Variants in NIPAL2 observed in about 807,000 individuals in gnomAD.
NIPAL2 encodes NIPA like domain containing 2, also known as NIPA-like protein 2.
In NIPAL2, 43 loss-of-function variants were observed where a neutral mutation model predicts 48.9. The observed-to-expected ratio is 0.88, with a 90% confidence interval of 0.69 to 1.13. The LOEUF (loss-of-function observed/expected upper bound fraction) is 1.13, where lower values mean the gene tolerates loss of function less well. NIPAL2 is among the 50% of genes most tolerant of loss of function. The pLI is 0.00. For synonymous variants in NIPAL2, 167 were observed against 174.6 expected, an observed-to-expected ratio of 0.96 and a Z score of 0.34; for missense variants, 446 against 461.4, an observed-to-expected ratio of 0.97 and a Z score of 0.31.
At chr8:98,259,088 T>C (rs1814115922) in intron 1 of NIPAL2, among the ~76,000 whole-genome samples, 2 of 132,118 alleles carry the variant, frequency 1.5e-5, no homozygotes, top group African/African-American at 3.0e-5. Flanking sequence ...TTTTTTTTTT[T>C]TTTTTTGAGA....
At chr8:98,240,288 G>C (rs745546520) in intron 3 of NIPAL2, among the ~76,000 whole-genome samples, 3 of 152,152 alleles carry the variant, frequency 2.0e-5, no homozygotes, top group Non-Finnish European at 4.4e-5. Context: ...AGTGCTCACT[G>C]ATCTTGGTGC....
intron 1 of NIPAL2, among the ~76,000 whole-genome samples, chr8:98,284,211 T>C (rs575959374): frequency 2.2e-4 from 33 of 152,180 alleles, no homozygotes; most frequent in Non-Finnish European, 4.4e-4. Context: ...TTCTCTACCA[T>C]TGTGACTCCA....
At chr8:98,266,487 AG>A (rs915496240) in intron 1 of NIPAL2, among the ~76,000 whole-genome samples, 3 of 150,388 alleles carry the variant, frequency 2.0e-5, no homozygotes, top group Non-Finnish European at 3.0e-5. Flanking sequence ...CTGCAATCCC[AG>A]CTACTCGGGA....
intron 6 of NIPAL2, among the ~76,000 whole-genome samples, chr8:98,206,511 G>A (rs938043086): frequency 3.3e-5 from 5 of 152,014 alleles, no homozygotes; most frequent in African/African-American, 1.2e-4. Flanking sequence ...AATTGGCCGG[G>A]CGCGGTGGCT....
intron 3 of NIPAL2, among the ~76,000 whole-genome samples, chr8:98,246,278 C>T (rs909738092): frequency 1.3e-5 from 2 of 152,116 alleles, no homozygotes; most frequent in Non-Finnish European, 2.9e-5. Flanking sequence ...CATAACAGCA[C>T]CACAGAAATA....
chr8:98,274,424 G>T (rs1431955276), intron 1 of NIPAL2, among the ~76,000 whole-genome samples: 1 of 151,846 alleles, frequency 6.6e-6, no homozygotes, highest in Non-Finnish European at 1.5e-5. Context: ...TATGGCTTTA[G>T]ACTTTTTTTC....
At chr8:98,210,388 C>T (rs1811253557) in intron 6 of NIPAL2, among the ~76,000 whole-genome samples, 2 of 152,106 alleles carry the variant, frequency 1.3e-5, no homozygotes, top group Non-Finnish European at 2.9e-5. Context: ...TTAACATTTC[C>T]AGGTGGTAGG....
chr8:98,232,956 G>C (rs1377526838), intron 4 of NIPAL2, among the ~76,000 whole-genome samples: 2 of 152,152 alleles, frequency 1.3e-5, no homozygotes, highest in African/African-American at 4.8e-5. Context: ...AATTTTAGCT[G>C]CTTTTAAAAG....
intron 9 of NIPAL2, among the ~76,000 whole-genome samples, chr8:98,195,537 T>G (rs1326584307): frequency 6.6e-6 from 1 of 152,228 alleles, no homozygotes; most frequent in Admixed American, 6.5e-5. Flanking sequence ...TTATCATGAC[T>G]AAAGCAAGGG....
In NIPAL2 at chr8:98,243,853, G is replaced by C. The variant is rs1813124955; in HGVS notation, c.377-7639C>G. Among the ~76,000 whole-genome samples, 4 of 152,244 alleles carry C rather than the reference G, an allele frequency of 2.6e-5. No homozygotes were observed. In the South Asian group the frequency reaches 8.3e-4, roughly 32 times the overall value. On this transcript the variant is annotated intron_variant, in intron 3 of 10. Transcript: ENST00000430223. ...TCCCTTTTTAAATTTGTAACATTAA[G>C]ACATATGTGTGCTTTTTATTTAAAC...
chr8:98,284,069 C>T (rs1247571654), intron 1 of NIPAL2, among the ~76,000 whole-genome samples: 7 of 152,174 alleles, frequency 4.6e-5, no homozygotes, highest in African/African-American at 1.7e-4. Flanking sequence ...CATCCCCAAG[C>T]CCACTATTCC....
At chr8:98,278,719 C>T (rs907436214) in intron 1 of NIPAL2, among the ~76,000 whole-genome samples, 9 of 152,168 alleles carry the variant, frequency 5.9e-5, no homozygotes, top group Non-Finnish European at 1.0e-4. Flanking sequence ...CTAGTATAGA[C>T]CTGGCACAGA....
At chr8:98,200,737 C>A (rs932099102) in intron 8 of NIPAL2, among the ~76,000 whole-genome samples, 1 of 152,208 alleles carries the variant, frequency 6.6e-6, no homozygotes, top group Non-Finnish European at 1.5e-5. Flanking sequence ...TACATCCCCA[C>A]CAATGGTGTA....
At chr8:98,268,527 A>G (rs547330386) in intron 1 of NIPAL2, among the ~76,000 whole-genome samples, 1 of 152,056 alleles carries the variant, frequency 6.6e-6, no homozygotes, top group Non-Finnish European at 1.5e-5. Flanking sequence ...AGGCTGAGGC[A>G]GGAGAATTGC....
intron 4 of NIPAL2, among the ~76,000 whole-genome samples, chr8:98,228,139 C>A (rs1812269021): frequency 6.6e-6 from 1 of 152,206 alleles, no homozygotes. Flanking sequence ...CAAGACCATC[C>A]TTCCTACCCT....
intron 1 of NIPAL2, among the ~76,000 whole-genome samples, chr8:98,279,955 G>A (rs931226868): frequency 1.3e-5 from 2 of 152,188 alleles, no homozygotes; most frequent in Non-Finnish European, 2.9e-5. Flanking sequence ...TATATAGAAT[G>A]AGGTTCAAAA....
intron 7 of NIPAL2, 43 bp downstream of exon 7, chr8:98,205,068 C>T (rs754166613): frequency 2.5e-6 from 4 of 1,601,404 alleles, no homozygotes; most frequent in Non-Finnish European, 2.6e-6. Flanking sequence ...CAGAGAAGCA[C>T]CGGAATGTTG....
chr8:98,252,437 A>G (rs1036615440), intron 3 of NIPAL2, 26 bp downstream of exon 3: 2 of 1,552,508 alleles, frequency 1.3e-6, no homozygotes, highest in Non-Finnish European at 1.7e-6. Flanking sequence ...TTAAGTTTCT[A>G]TTTGTCAAAA....
At chr8:98,233,036 G>A (rs1812518356) in intron 4 of NIPAL2, among the ~76,000 whole-genome samples, 1 of 152,134 alleles carries the variant, frequency 6.6e-6, no homozygotes, top group Non-Finnish European at 1.5e-5. Context: ...GAGGTGCGTG[G>A]ATCATGAGCT....
Sources: allele counts gnomAD v4.1 joint callset (sites outside exome capture counted in the v4.1 genomes callset), GRCh38; gene constraint gnomAD v4.1.1; transcripts MANE v1.5; gene names NCBI Gene and HGNC (gene_info 2026-07-23, HGNC 2026-07-21).